SHISA9: variants seen among roughly 807,000 people sequenced by gnomAD.
SHISA9 encodes protein shisa-9.
SHISA9 carries 13 observed loss-of-function variants against 38.0 expected under a neutral mutation model. That is an observed-to-expected ratio of 0.34 (90% confidence interval 0.22 to 0.54). The LOEUF is 0.54. Ranked by LOEUF, SHISA9 falls within the 20% of genes least tolerant of loss-of-function variation. SHISA9 has a pLI of 0.91. For missense variants in SHISA9, 538 were observed against 575.8 expected (o/e 0.93, Z 0.67); for synonymous variants, 275 against 242.0 (o/e 1.14, Z -1.27).
chr16:13,121,936 T>G (rs1452743662), intron 2 of SHISA9, among the ~76,000 whole-genome samples: 1 of 151,272 alleles, frequency 6.6e-6, no homozygotes, highest in Non-Finnish European at 1.5e-5. Flanking sequence ...CAGCCTGAGT[T>G]TCCTCTTCGA....
intron 2 of SHISA9, among the ~76,000 whole-genome samples, chr16:13,099,957 C>T (rs990960068): frequency 6.6e-6 from 1 of 152,124 alleles, no homozygotes; most frequent in South Asian, 2.1e-4. Flanking sequence ...CCTTTTACAC[C>T]TTAGGCAGGC....
chr16:13,101,737 C>G (rs2073880782), intron 2 of SHISA9, among the ~76,000 whole-genome samples: 1 of 152,196 alleles, frequency 6.6e-6, no homozygotes, highest in Admixed American at 6.5e-5. Context: ...AATTTCTATT[C>G]CTACCAACAG....
chr16:12,924,111 A>G (rs927545979), intron 2 of SHISA9, among the ~76,000 whole-genome samples: 1 of 152,128 alleles, frequency 6.6e-6, no homozygotes, highest in Non-Finnish European at 1.5e-5. Context: ...CAGTCAATGG[A>G]TCAGTGGTCT....
chr16:13,450,995 T>C, the SHISA9 span, among the ~76,000 whole-genome samples: 1 of 152,114 alleles, frequency 6.6e-6, no homozygotes, highest in East Asian at 1.9e-4. Context: ...CCCAGTGGTA[T>C]CATCCACAAC....
the SHISA9 span, among the ~76,000 whole-genome samples, chr16:13,542,435 G>T: frequency 3.4e-5 from 5 of 147,684 alleles, no homozygotes; most frequent in African/African-American, 1.3e-4. Flanking sequence ...CGTGTTCATT[G>T]TATAGGTGAG....
At chr16:13,024,253 C>G (rs920512963) in intron 2 of SHISA9, among the ~76,000 whole-genome samples, 2 of 152,228 alleles carry the variant, frequency 1.3e-5, no homozygotes, top group African/African-American at 4.8e-5. Flanking sequence ...TGGCCTCTTA[C>G]TGGCAGCTGT....
chr16:13,066,973 T>G (rs1201693556), intron 2 of SHISA9, among the ~76,000 whole-genome samples: 1 of 152,164 alleles, frequency 6.6e-6, no homozygotes, highest in Non-Finnish European at 1.5e-5. Flanking sequence ...GTATTTCTAC[T>G]GTATTGGGCT....
chr16:13,463,062 G>A, the SHISA9 span, among the ~76,000 whole-genome samples: 2 of 152,096 alleles, frequency 1.3e-5, no homozygotes, highest in Non-Finnish European at 2.9e-5. Flanking sequence ...AGGCTGAGGT[G>A]GGAGGATCAC....
chr16:13,407,061 T>G, the SHISA9 span, among the ~76,000 whole-genome samples: 1 of 104,656 alleles, frequency 9.6e-6, no homozygotes, highest in African/African-American at 4.0e-5. Flanking sequence ...AGAGTGAAAC[T>G]CTGTCTCACA....
chr16:13,464,718 G>A, the SHISA9 span, among the ~76,000 whole-genome samples: 1 of 152,140 alleles, frequency 6.6e-6, no homozygotes, highest in South Asian at 2.1e-4. Flanking sequence ...AATGGTGGCT[G>A]AAGTTGAGTG....
chr16:13,117,175 C>T (rs1322617828), intron 2 of SHISA9, among the ~76,000 whole-genome samples: 1 of 152,114 alleles, frequency 6.6e-6, no homozygotes, highest in African/African-American at 2.4e-5. Flanking sequence ...AGGGTTTCAC[C>T]ATGTTGGCCA....
intron 2 of SHISA9, among the ~76,000 whole-genome samples, chr16:13,031,997 C>A (rs973041916): frequency 1.9e-4 from 29 of 151,788 alleles, no homozygotes; most frequent in African/African-American, 7.0e-4. Context: ...GTCTATCCAA[C>A]TTTCAACTTT....
intron 2 of SHISA9, among the ~76,000 whole-genome samples, chr16:12,946,808 G>T: frequency 6.6e-6 from 1 of 152,386 alleles, no homozygotes. Flanking sequence ...GCAGGGCACT[G>T]CATGGCCATT....
chr16:13,050,624 G>T (rs999905618), intron 2 of SHISA9, among the ~76,000 whole-genome samples: 2 of 152,112 alleles, frequency 1.3e-5, no homozygotes, highest in African/African-American at 4.8e-5. Context: ...GAGCCACCAC[G>T]CCCAGCCATT....
the SHISA9 span, among the ~76,000 whole-genome samples, chr16:13,429,313 A>G: frequency 6.6e-6 from 1 of 152,208 alleles, no homozygotes. Context: ...TTTGAAGGCT[A>G]GAAGTGCAAG....
intron 2 of SHISA9, among the ~76,000 whole-genome samples, chr16:12,943,759 C>T (rs1281381327): frequency 1.3e-5 from 2 of 152,064 alleles, no homozygotes; most frequent in African/African-American, 4.8e-5. Context: ...AGAAAACACC[C>T]TGCCTCCATT....
chr16:13,351,577 A>G, the SHISA9 span, among the ~76,000 whole-genome samples: 1 of 152,152 alleles, frequency 6.6e-6, no homozygotes, highest in East Asian at 1.9e-4. Context: ...GATGAATCCA[A>G]GGAGGATAAA....
chr16:13,502,603 G>A, the SHISA9 span, among the ~76,000 whole-genome samples: 5 of 152,222 alleles, frequency 3.3e-5, no homozygotes, highest in Middle Eastern at 3.4e-3. Context: ...GGCCGGGCGC[G>A]GTGGCTCACA....
At chr16:13,531,584 T>G in the SHISA9 span, among the ~76,000 whole-genome samples, 1 of 152,170 alleles carries the variant, frequency 6.6e-6, no homozygotes, top group African/African-American at 2.4e-5. Context: ...TGATTTGACC[T>G]TCTGGTTTGG....
Sources: gnomAD v4.1 joint callset for allele counts (sites outside exome capture counted in the v4.1 genomes callset) on GRCh38, gnomAD v4.1.1 for gene constraint, MANE v1.5 for transcripts, NCBI Gene and HGNC (gene_info 2026-07-23, HGNC 2026-07-21) for gene names.